UBXN2A: variants seen among roughly 807,000 people sequenced by gnomAD.
UBXN2A encodes UBX domain-containing protein 2A.
Under a neutral mutation model 28.4 loss-of-function variants are expected in UBXN2A, and 28 were observed. The ratio of observed to expected loss-of-function variants is 0.99; its 90% CI spans 0.73 to 1.35. The LOEUF is 1.35. Ranked by LOEUF, UBXN2A falls within the 40% of genes most tolerant of loss-of-function variation. The pLI is 0.00. For missense variants in UBXN2A, 253 were observed against 297.9 expected, an observed-to-expected ratio of 0.85 and a Z score of 1.11; for synonymous variants, 97 against 103.6, an observed-to-expected ratio of 0.94 and a Z score of 0.39.
At chr2:23,944,802 G>A (rs918764645) in intron 1 of UBXN2A, among the ~76,000 whole-genome samples, 1 of 152,136 alleles carries the variant, frequency 6.6e-6, no homozygotes, top group East Asian at 1.9e-4. Context: ...TGAGAGCCAG[G>A]CCATTAACAC....
chr2:23,970,944 C>T (rs1707387247), intron 2 of UBXN2A, among the ~76,000 whole-genome samples: 1 of 152,050 alleles, frequency 6.6e-6, no homozygotes, highest in Non-Finnish European at 1.5e-5. Flanking sequence ...TGAAGCTTTG[C>T]TTGTTCGCCT....
chr2:23,973,546 G>T (rs1162112138), intron 3 of UBXN2A, among the ~76,000 whole-genome samples: 1 of 151,264 alleles, frequency 6.6e-6, no homozygotes, highest in Non-Finnish European at 1.5e-5. Flanking sequence ...CACAGTGTTA[G>T]CCAGGATGGT....
At chr2:23,936,634 CAT>C (rs1454807042), upstream of UBXN2A, among the ~76,000 whole-genome samples, 2 of 151,946 alleles carry the variant, frequency 1.3e-5, no homozygotes, top group African/African-American at 2.4e-5. Flanking sequence ...AAAAGAAAAA[CAT>C]ACACCTAACA....
At chr2:23,948,564 A>G (rs1368949042) in intron 1 of UBXN2A, among the ~76,000 whole-genome samples, 3 of 151,970 alleles carry the variant, frequency 2.0e-5, no homozygotes, top group Admixed American at 6.6e-5. Flanking sequence ...ACCAATCTCT[A>G]TAACAGATTA....
Position 24,002,619 on chromosome 2 carries a change from T to A in UBXN2A, c.*2752T>A, listed in dbSNP as rs139977608. 0.029 allele frequency: 4,343 copies of A among 152,216 alleles called. 89 individuals are homozygous for A. Among genetic ancestry groups the A allele is most frequent in the South Asian group, 0.075 (361 of 4,826 alleles). 9.4% of individuals were successfully genotyped at this position (152,216 alleles called of 1,614,324 possible). ...GAGACGGGGTTTCGCCATGTTGGCC[T>A]GGCTGGCCTCTAACTCGTAACCTCA... On this transcript the variant is annotated 3_prime_UTR_variant, in exon 7 of 7. Coordinates refer to ENST00000309033, the MANE Select transcript of UBXN2A (RefSeq NM_181713.4).
At chr2:23,974,946 T>C (rs1365855864) in intron 3 of UBXN2A, among the ~76,000 whole-genome samples, 1 of 151,396 alleles carries the variant, frequency 6.6e-6, no homozygotes, top group African/African-American at 2.4e-5. Flanking sequence ...GCCACTGCAC[T>C]CTAGCCTGGG....
intron 3 of UBXN2A, among the ~76,000 whole-genome samples, 194 bp downstream of exon 3, chr2:23,971,608 C>T (rs1473514554): frequency 6.6e-6 from 1 of 152,086 alleles, no homozygotes; most frequent in African/African-American, 2.4e-5. Flanking sequence ...CCTGCCTCAG[C>T]ATTCGCAGGT....
In UBXN2A at chr2:23,999,749, T is replaced by C. The variant is rs772682222; in HGVS notation, c.662T>C (p.Leu221Pro). 6.2e-6 allele frequency: 10 copies of C among 1,614,200 alleles called. No homozygotes were observed. In the South Asian group the frequency reaches 1.1e-4, roughly 18 times the overall value. ...CCTCCGTTTTCCCTGGCAACAGCTC[T>C]TCCTGTCCTCAGGTTGCTAGATGAG... is the stretch of plus-strand genomic sequence containing the variant. ...RSPPFSLATALPVLRLLDETL... is the reference protein window; with the variant it reads ...RSPPFSLATAPPVLRLLDETL... Residue 221 changes from leucine (L) to proline (P), a missense_variant, in exon 7 of 7, where the codon CTT (leucine) becomes CCT (proline). Physicochemically the swap from Leu to Pro is moderately conservative, Grantham distance 98. Coordinates refer to ENST00000309033, the MANE Select transcript of UBXN2A (RefSeq NM_181713.4).
intron 6 of UBXN2A, 80 bp from the exon 7 acceptor site, chr2:23,999,592 C>CT: frequency 7.0e-7 from 1 of 1,427,004 alleles, no homozygotes; most frequent in African/African-American, 1.5e-5. Context: ...TATCCAGATA[C>CT]TTTTACCAGT....
At chr2:23,999,522 G>A in intron 6 of UBXN2A, 150 bp from the exon 7 acceptor site, 5 of 826,948 alleles carry the variant, frequency 6.0e-6, no homozygotes, top group Non-Finnish European at 9.2e-6. Context: ...GAGTTATTAT[G>A]ATGGCACCAC....
chr2:23,961,072 A>T (rs1573558700), intron 2 of UBXN2A, among the ~76,000 whole-genome samples: 1 of 151,798 alleles, frequency 6.6e-6, no homozygotes, highest in Admixed American at 6.6e-5. Flanking sequence ...TAGAGCATGT[A>T]TCAGTATGTA....
intron 1 of UBXN2A, among the ~76,000 whole-genome samples, chr2:23,950,353 TGAA>T (rs1489130741): frequency 6.6e-6 from 1 of 152,152 alleles, no homozygotes; most frequent in Non-Finnish European, 1.5e-5. Flanking sequence ...TTTGAGATAA[TGAA>T]GACCAGATCT....
At chr2:23,958,041 A>T (rs1405152237) in intron 1 of UBXN2A, among the ~76,000 whole-genome samples, 1 of 152,210 alleles carries the variant, frequency 6.6e-6, no homozygotes, top group Non-Finnish European at 1.5e-5. Flanking sequence ...TGTGAGGCAC[A>T]TGCCCAGTTC....
At chr2:23,941,948 G>C (rs1171243945) in intron 1 of UBXN2A, among the ~76,000 whole-genome samples, 1 of 152,068 alleles carries the variant, frequency 6.6e-6, no homozygotes, top group African/African-American at 2.4e-5. Flanking sequence ...GTGATGGGGG[G>C]CGTCTGTAAT....
intron 4 of UBXN2A, among the ~76,000 whole-genome samples, chr2:23,977,946 C>G (rs1573586020): frequency 6.6e-6 from 1 of 152,092 alleles, no homozygotes; most frequent in Non-Finnish European, 1.5e-5. Context: ...ATTCTTGTGC[C>G]TCAGCCTCCC....
At chr2:23,927,664 G>A (rs1705115417) in intron 1 of UBXN2A, 1 of 151,374 alleles carries the variant, frequency 6.6e-6, no homozygotes, top group South Asian at 2.1e-4. Flanking sequence ...CTAGAACTCT[G>A]CGTTTTTAAA....
At chr2:23,996,484 T>C (rs563456743) in intron 6 of UBXN2A, among the ~76,000 whole-genome samples, 2 of 151,340 alleles carry the variant, frequency 1.3e-5, no homozygotes, top group East Asian at 2.0e-4. Context: ...TTTTTCTTTT[T>C]TTTTTTTTTA....
At chr2:23,977,266 A>G (rs1017183586) in intron 4 of UBXN2A, 191 bp downstream of exon 4, 21 of 351,886 alleles carry the variant, frequency 6.0e-5, no homozygotes, top group African/African-American at 4.4e-4. Flanking sequence ...GACTGAGGCT[A>G]CAGTGAGCCA....
chr2:23,988,161 T>C (rs1708207122), intron 6 of UBXN2A, among the ~76,000 whole-genome samples: 1 of 151,518 alleles, frequency 6.6e-6, no homozygotes, highest in Non-Finnish European at 1.5e-5. Flanking sequence ...CTTTTCTCCC[T>C]AAGCATTCAA....
Sources: allele counts gnomAD v4.1 joint callset (sites outside exome capture counted in the v4.1 genomes callset), GRCh38; gene constraint gnomAD v4.1.1; transcripts MANE v1.5; gene names NCBI Gene and HGNC (gene_info 2026-07-23, HGNC 2026-07-21).